The following NFRKB variants were observed in gnomAD, a reference collection of about 807,000 sequenced individuals.
The protein encoded by NFRKB is nuclear factor related to kappaB binding protein, also known as nuclear factor related to kappa-B-binding protein.
NFRKB carries 62 observed loss-of-function variants against 135.7 expected under a neutral mutation model. That is an observed-to-expected ratio of 0.46 (90% confidence interval 0.37 to 0.56). The LOEUF is 0.56. Ranked by LOEUF, NFRKB falls within the 20% of genes least tolerant of loss-of-function variation. The pLI is 0.00. For missense variants in NFRKB, 1,545 were observed against 1,662.0 expected, an observed-to-expected ratio of 0.93 and a Z score of 1.22; for synonymous variants, 678 against 635.6, an observed-to-expected ratio of 1.07 and a Z score of -1.00.
At chr11:129,877,187 G>T in intron 16 of NFRKB, 138 bp downstream of exon 16, 1 of 905,398 alleles carries the variant, frequency 1.1e-6, no homozygotes, top group Non-Finnish European at 1.8e-6. Context: ...CCCCCAACAA[G>T]TAATCCCAGC....
chr11:129,876,627 T>G, intron 17 of NFRKB, 94 bp downstream of exon 17: 1 of 1,360,088 alleles, frequency 7.4e-7, no homozygotes, highest in Non-Finnish European at 1.0e-6. Context: ...CTACCCTGGG[T>G]GGAGGGGTAA....
intron 1 of NFRKB, among the ~76,000 whole-genome samples, chr11:129,895,133 T>C (rs531983805): frequency 2.0e-5 from 3 of 152,160 alleles, no homozygotes; most frequent in Non-Finnish European, 4.4e-5. Flanking sequence ...ATCACTGGCT[T>C]TCAGCACCTG....
intron 2 of NFRKB, chr11:129,894,154 C>G (rs1252256777): frequency 6.6e-6 from 1 of 152,236 alleles, no homozygotes; most frequent in Non-Finnish European, 1.5e-5. Flanking sequence ...GTTGATAGCA[C>G]AGGACTGCAC....
At chr11:129,869,335 T>C (rs1306562864) in intron 24 of NFRKB, among the ~76,000 whole-genome samples, 159 bp downstream of exon 24, 1 of 152,166 alleles carries the variant, frequency 6.6e-6, no homozygotes, top group Non-Finnish European at 1.5e-5. Flanking sequence ...TATCAGTAAA[T>C]AAATCTATTT....
At chr11:129,878,124 C>G (rs1043540632) in intron 15 of NFRKB, among the ~76,000 whole-genome samples, 185 bp downstream of exon 15, 1 of 152,208 alleles carries the variant, frequency 6.6e-6, no homozygotes, top group Admixed American at 6.5e-5. Context: ...CTCTCCACCA[C>G]AGCCCCTTCC....
At chr11:129,866,299 C>T (rs765404502) in intron 24 of NFRKB, among the ~76,000 whole-genome samples, 53 of 152,156 alleles carry the variant, frequency 3.5e-4, no homozygotes, top group Non-Finnish European at 4.3e-4. Context: ...CACTTTAGCA[C>T]AGTCCAAGAT....
In NFRKB at chr11:129,869,550, C is replaced by A. The variant is rs1337927809; in HGVS notation, c.3475G>T (p.Ala1159Ser). 3.1e-6 allele frequency: 5 copies of A among 1,613,866 alleles called. No individual in the cohort carries two copies. The highest frequency in any genetic ancestry group is 2.7e-5 in the African/African-American group (2 of 74,934). ...ASTPISISTG[A>S]PTVRQVPVST... ...ACAGGGACCTGCCGCACGGTGGGGG[C>A]TCCTGTGCTGATGCTGATGGGGGTG... Residue 1159 changes from alanine (A) to serine (S), a missense_variant, in exon 24 of 27, where the codon GCC becomes TCC. Transcript: ENST00000682444.
Position 129,883,186 on chromosome 11 carries a change from T to C in NFRKB, c.837A>G (p.Thr279=), listed in dbSNP as rs1256531437. ...KHQPDHPDLL[T]GDLTLNDIMT... ...TGATGTCATTGAGAGTCAGGTCCCC[T>C]GTCAAAAGGTCCGGGTGATCCTAGA... is the stretch of plus-strand genomic sequence containing the variant. The change falls in exon 9 of 27, where the codon ACA becomes ACG. Residue 279 remains threonine, a synonymous_variant. Coordinates refer to ENST00000682444, the MANE Select transcript of NFRKB (RefSeq NM_001143835.2). 6.2e-7 allele frequency: 1 copy of C among 1,614,118 alleles called. No homozygotes were observed. The highest frequency in any genetic ancestry group is 8.5e-7 in the Non-Finnish European group (1 of 1,180,012).
At chr11:129,875,500 G>A (rs1449056734) in intron 17 of NFRKB, 37 bp from the exon 18 acceptor site, 11 of 1,522,672 alleles carry the variant, frequency 7.2e-6, no homozygotes, top group Admixed American at 5.8e-5. Flanking sequence ...CACAAGTCAG[G>A]CAGGGTTCCT....
At chr11:129,883,068 C>G in intron 9 of NFRKB, 54 bp downstream of exon 9, 1 of 1,540,256 alleles carries the variant, frequency 6.5e-7, no homozygotes, top group Non-Finnish European at 8.9e-7. Context: ...TATGGGCTCA[C>G]GCAACTTAAC....
In NFRKB at chr11:129,895,507, G is replaced by C. The variant is rs1299907767; in HGVS notation, c.-113C>G. 2.0e-5 allele frequency: 3 copies of C among 152,378 alleles called. No individual in the cohort carries two copies. The highest frequency in any genetic ancestry group is 7.2e-5 in the African/African-American group (3 of 41,448). 9.4% of individuals were successfully genotyped at this position (152,378 alleles called of 1,614,324 possible). On this transcript the variant is annotated 5_prime_UTR_variant, in exon 1 of 27. Coordinates refer to ENST00000682444, the MANE Select transcript of NFRKB (RefSeq NM_001143835.2). ...TTGCCCGCCCTCACCTGAACCGCGG[G>C]CGCCGGCCCCCTAACCCGCAGCCCT...
At chr11:129,871,715 G>A (rs943385087) in intron 23 of NFRKB, among the ~76,000 whole-genome samples, 2 of 152,120 alleles carry the variant, frequency 1.3e-5, no homozygotes, top group Non-Finnish European at 2.9e-5. Context: ...TCACCTGGAC[G>A]ACTGCCACTG....
intron 3 of NFRKB, among the ~76,000 whole-genome samples, chr11:129,889,060 CA>C (rs1366162880): frequency 5.9e-5 from 9 of 151,874 alleles, no homozygotes; most frequent in African/African-American, 2.2e-4. Context: ...CTCCCAGACT[CA>C]AGCGATTCTC....
At chr11:129,881,612 G>A in intron 12 of NFRKB, 104 bp from the exon 13 acceptor site, 5 of 1,587,108 alleles carry the variant, frequency 3.2e-6, no homozygotes, top group Non-Finnish European at 3.4e-6. Context: ...GAACCTTCAA[G>A]GCATAGCATT....
intron 4 of NFRKB, among the ~76,000 whole-genome samples, chr11:129,887,266 T>C (rs559110090): frequency 1.3e-5 from 2 of 152,304 alleles, no homozygotes; most frequent in South Asian, 4.1e-4. Flanking sequence ...AACTACTGGG[T>C]AAGACAAAGG....
chr11:129,892,624 A>G, intron 3 of NFRKB, 91 bp downstream of exon 3: 1 of 1,372,138 alleles, frequency 7.3e-7, no homozygotes, highest in Non-Finnish European at 1.0e-6. Context: ...GGGAGCACAA[A>G]AGACTGGAAA....
In NFRKB at chr11:129,885,556, T is replaced by C. The variant is rs369937574; in HGVS notation, c.519A>G (p.Lys173=). 467 of 1,613,798 alleles carry C rather than the reference T, an allele frequency of 2.9e-4. No individual in the cohort carries two copies. Among genetic ancestry groups the C allele is most frequent in the Non-Finnish European group, 3.6e-4 (422 of 1,179,806 alleles). The change falls in exon 6 of 27, where the codon AAA becomes AAG. Residue 173 remains lysine, a synonymous_variant. Coordinates refer to ENST00000682444, the MANE Select transcript of NFRKB (RefSeq NM_001143835.2). ...RSGPALPFRQ[K]RPSPSRTPEE... is the part of the protein sequence containing the mutation. ...CAGGTGTGCGGGATGGTGAAGGGCG[T>C]TTCTGCCGGAAGGGAAGGGCGGGGC...
chr11:129,889,109 G>A (rs759103637), intron 3 of NFRKB, among the ~76,000 whole-genome samples: 4 of 151,794 alleles, frequency 2.6e-5, no homozygotes, highest in Admixed American at 6.6e-5. Context: ...TTACAGGTGC[G>A]CACCACCACG....
intron 13 of NFRKB, among the ~76,000 whole-genome samples, chr11:129,881,156 G>A (rs1949008079): frequency 6.6e-6 from 1 of 152,076 alleles, no homozygotes; most frequent in Non-Finnish European, 1.5e-5. Flanking sequence ...TATAAATGTC[G>A]ATGCTCTTGC....
Sources: allele counts gnomAD v4.1 joint callset (sites outside exome capture counted in the v4.1 genomes callset), GRCh38; gene constraint gnomAD v4.1.1; transcripts MANE v1.5; gene names NCBI Gene and HGNC (gene_info 2026-07-23, HGNC 2026-07-21).